The following GMDS variants were observed in gnomAD, a reference collection of about 807,000 sequenced individuals.
GMDS encodes the protein GDP-mannose 4,6 dehydratase.
In GMDS, 20 loss-of-function variants were observed where a neutral mutation model predicts 49.9. The ratio of observed to expected loss-of-function variants is 0.40; its 90% CI spans 0.28 to 0.58. GMDS has a LOEUF of 0.58. GMDS is among the 20% of genes least tolerant of loss of function. The probability of loss-of-function intolerance (pLI) is 0.42; values close to 1 mark genes in which losing one functional copy is unlikely to be tolerated. For missense variants in GMDS, 362 were observed against 481.4 expected (o/e 0.75, Z 2.32); for synonymous variants, 177 against 178.6 (o/e 0.99, Z 0.07).
intron 1 of GMDS, among the ~76,000 whole-genome samples, chr6:2,208,206 T>C (rs919111022): frequency 1.3e-5 from 2 of 152,184 alleles, no homozygotes; most frequent in African/African-American, 4.8e-5. Context: ...CCTCCTTCTA[T>C]ATCTGGCTTC....
At chr6:1,752,658 G>A (rs1767780134) in intron 7 of GMDS, among the ~76,000 whole-genome samples, 1 of 152,184 alleles carries the variant, frequency 6.6e-6, no homozygotes, top group South Asian at 2.1e-4. Flanking sequence ...TACTCACAAA[G>A]GGAAGCCCAT....
chr6:1,999,011 T>A (rs373841102), intron 4 of GMDS, among the ~76,000 whole-genome samples: 2 of 152,110 alleles, frequency 1.3e-5, no homozygotes, highest in African/African-American at 4.8e-5. Flanking sequence ...ATTCTAATTA[T>A]CCCAAACCAT....
At chr6:1,807,211 T>C (rs1257805887) in intron 7 of GMDS, among the ~76,000 whole-genome samples, 1 of 152,120 alleles carries the variant, frequency 6.6e-6, no homozygotes, top group Non-Finnish European at 1.5e-5. Flanking sequence ...CTGGCAAATT[T>C]TTACATTTTT....
intron 4 of GMDS, among the ~76,000 whole-genome samples, chr6:2,015,884 G>A (rs1312620968): frequency 6.6e-6 from 1 of 152,002 alleles, no homozygotes; most frequent in Non-Finnish European, 1.5e-5. Context: ...TTTAAGAATA[G>A]AAGATTCATT....
chr6:1,796,010 C>G (rs942184823), intron 7 of GMDS, among the ~76,000 whole-genome samples: 1 of 152,284 alleles, frequency 6.6e-6, no homozygotes, highest in African/African-American at 2.4e-5. Flanking sequence ...ATGCCTGTAT[C>G]GGAAGAGAAA....
intron 1 of GMDS, among the ~76,000 whole-genome samples, chr6:2,158,060 T>A (rs1229295468): frequency 6.6e-6 from 1 of 152,106 alleles, no homozygotes; most frequent in African/African-American, 2.4e-5. Context: ...CATCAATACC[T>A]CCTTCCTCAT....
At chr6:1,961,937 T>C (rs1430347908) in intron 4 of GMDS, among the ~76,000 whole-genome samples, 8 of 152,168 alleles carry the variant, frequency 5.3e-5, no homozygotes, top group Admixed American at 5.2e-4. Flanking sequence ...ACTAAACTCA[T>C]GTCATTTAGG....
intron 4 of GMDS, among the ~76,000 whole-genome samples, chr6:2,067,227 A>G (rs1325188615): frequency 1.3e-5 from 2 of 152,156 alleles, no homozygotes; most frequent in Non-Finnish European, 2.9e-5. Flanking sequence ...GAGAACAAAG[A>G]CACAACATAC....
At chr6:1,923,071 G>A (rs185266681) in intron 7 of GMDS, among the ~76,000 whole-genome samples, 112 of 152,280 alleles carry the variant, frequency 7.4e-4, no homozygotes, top group Non-Finnish European at 1.1e-3. Context: ...CATGTAAGAC[G>A]TGCCTTTCGC....
At chr6:2,024,686 G>A (rs898089624) in intron 4 of GMDS, among the ~76,000 whole-genome samples, 6 of 151,766 alleles carry the variant, frequency 4.0e-5, no homozygotes, top group Non-Finnish European at 8.8e-5. Flanking sequence ...TATCAGACTA[G>A]CCAAAAGCAA....
intron 4 of GMDS, among the ~76,000 whole-genome samples, chr6:2,084,107 T>C (rs1772870032): frequency 6.6e-6 from 1 of 152,182 alleles, no homozygotes; most frequent in Non-Finnish European, 1.5e-5. Context: ...GTAACTTACT[T>C]TCCTGGCTAA....
intron 9 of GMDS, among the ~76,000 whole-genome samples, chr6:1,652,702 AT>A (rs1763743945): frequency 9.5e-4 from 2 of 2,104 alleles, no homozygotes; most frequent in Non-Finnish European, 1.6e-3. Flanking sequence ...AATATATTAT[AT>A]ATATATATAT....
intron 9 of GMDS, among the ~76,000 whole-genome samples, chr6:1,650,039 C>T (rs1030804323): frequency 2.6e-5 from 4 of 152,194 alleles, no homozygotes; most frequent in African/African-American, 9.7e-5. Context: ...CTTGGGCAAG[C>T]AACGACTTCC....
At chr6:1,844,378 G>A (rs1219506668) in intron 7 of GMDS, among the ~76,000 whole-genome samples, 4 of 152,172 alleles carry the variant, frequency 2.6e-5, no homozygotes, top group African/African-American at 9.7e-5. Context: ...TTAATGTTGT[G>A]ATTTGGTCTT....
rs145995097 is a variant in GMDS at position 2,035,932 on chromosome 6, C to T, written c.346-74966G>A. ...GAACTACTGACCTCAAGTGATCCAA[C>T]CACCTTGGCCTCCTAAAGTGCTGGG... On this transcript the variant is annotated intron_variant, in intron 4 of 10. Coordinates refer to ENST00000380815, the MANE Select transcript of GMDS (RefSeq NM_001500.4). 9.5e-4 allele frequency among the ~76,000 whole-genome samples: 144 copies of T among 152,218 alleles called. No individual in the cohort carries two copies. The East Asian group carries it at 0.025, about 26-fold the overall frequency.
intron 7 of GMDS, 102 bp downstream of exon 7, chr6:1,930,001 T>G: frequency 9.5e-7 from 1 of 1,048,088 alleles, no homozygotes; most frequent in Non-Finnish European, 1.4e-6. Flanking sequence ...GGCAAAGGTT[T>G]GTATGCCCCC....
intron 1 of GMDS, among the ~76,000 whole-genome samples, chr6:2,143,302 T>C (rs572831314): frequency 1.3e-5 from 2 of 152,126 alleles, no homozygotes; most frequent in African/African-American, 4.8e-5. Context: ...GTCTCCCACA[T>C]TGTCAATTGA....
At chr6:2,043,292 C>T (rs548180155) in intron 4 of GMDS, 2 of 152,378 alleles carry the variant, frequency 1.3e-5, no homozygotes, top group East Asian at 3.9e-4. Flanking sequence ...TCCTGCAAAT[C>T]TTTACTATTC....
chr6:1,862,088 T>G (rs10484695), intron 7 of GMDS, among the ~76,000 whole-genome samples: 2 of 152,228 alleles, frequency 1.3e-5, no homozygotes, highest in Admixed American at 1.3e-4. Flanking sequence ...CTTTGAGTAC[T>G]TAACTGGGAT....
Sources: gnomAD v4.1 joint callset for allele counts (sites outside exome capture counted in the v4.1 genomes callset) on GRCh38, gnomAD v4.1.1 for gene constraint, MANE v1.5 for transcripts, NCBI Gene and HGNC (gene_info 2026-07-23, HGNC 2026-07-21) for gene names.